CFAP74: variants seen among roughly 807,000 people sequenced by gnomAD.
The protein encoded by CFAP74 is cilia and flagella associated protein 74, also known as cilia- and flagella-associated protein 74.
Under a neutral mutation model 188.9 loss-of-function variants are expected in CFAP74, and 124 were observed. The observed-to-expected ratio is 0.66, with a 90% CI of 0.57 to 0.76. The LOEUF (loss-of-function observed/expected upper bound fraction) is 0.76. Among genes scored for constraint, CFAP74 ranks in the 30% least tolerant of loss-of-function variants. CFAP74 has a pLI of 0.00. For missense variants in CFAP74, 2,198 were observed against 2,165.2 expected (o/e 1.02, Z -0.30); for synonymous variants, 956 against 916.7 (o/e 1.04, Z -0.77).
intron 4 of CFAP74, among the ~76,000 whole-genome samples, chr1:1,987,762 A>C (rs1570983159): frequency 6.6e-6 from 1 of 151,254 alleles, no homozygotes; most frequent in Non-Finnish European, 1.5e-5. Context: ...GGCTGGTCTC[A>C]AACTCCTGAC....
chr1:1,936,773 G>A (rs997546456), intron 25 of CFAP74, among the ~76,000 whole-genome samples: 5 of 151,840 alleles, frequency 3.3e-5, no homozygotes, highest in South Asian at 2.1e-4. Flanking sequence ...GCATGGTGGC[G>A]TGTTCCTGTA....
chr1:1,981,488 G>A (rs148040358), intron 6 of CFAP74, among the ~76,000 whole-genome samples: 46 of 92,638 alleles, frequency 5.0e-4, no homozygotes, highest in East Asian at 7.1e-4. Context: ...ACACGCGGGG[G>A]CACGCAGGAC....
intron 33 of CFAP74, among the ~76,000 whole-genome samples, chr1:1,925,264 G>A (rs576712533): frequency 3.4e-5 from 5 of 147,112 alleles, no homozygotes; most frequent in South Asian, 2.2e-4. Context: ...AGGGCAGCGC[G>A]AAGGCACGAG....
At chr1:1,965,283 G>T (rs1655394292) in intron 12 of CFAP74, among the ~76,000 whole-genome samples, 1 of 152,208 alleles carries the variant, frequency 6.6e-6, no homozygotes, top group Admixed American at 6.5e-5. Context: ...CATTGACAAG[G>T]CAGGGACCCC....
chr1:1,968,272 T>C lies in CFAP74; in HGVS notation c.1245+363A>G, dbSNP rs919897544. 6.6e-6 allele frequency among the ~76,000 whole-genome samples: 1 copy of C among 152,136 alleles called. No individual in the cohort carries two copies. The highest frequency in any genetic ancestry group is 2.4e-5 in the African/African-American group (1 of 41,428). ...CCCAGGCATGTGGTCTGAACGGCTG[T>C]GCACATCTCCCTGGCAGGCGGCTGA... On this transcript the variant is annotated intron_variant, in intron 11 of 38. Transcript: ENST00000682832. The surrounding 1 kb of genome is among the most constrained non-coding windows in gnomAD (Gnocchi z 4.3).
At chr1:1,977,555 A>G (rs1206667390) in intron 6 of CFAP74, among the ~76,000 whole-genome samples, 1 of 152,136 alleles carries the variant, frequency 6.6e-6, no homozygotes, top group African/African-American at 2.4e-5. Flanking sequence ...GAAGGATCCC[A>G]GAGGAGAAGA....
chr1:2,000,689 A>T (rs78962231), intron 1 of CFAP74, among the ~76,000 whole-genome samples: 173 of 152,202 alleles, frequency 1.1e-3, no homozygotes, highest in African/African-American at 3.9e-3. Context: ...TTCATAGGAC[A>T]TTCTCTCTGT....
chr1:1,964,245 C>T (rs1463877944), intron 13 of CFAP74, among the ~76,000 whole-genome samples: 1 of 152,210 alleles, frequency 6.6e-6, no homozygotes, highest in Non-Finnish European at 1.5e-5. Flanking sequence ...CAGAGTTTGG[C>T]AGAGGCGTCC....
chr1:1,943,879 C>T (rs1653559356), intron 21 of CFAP74, among the ~76,000 whole-genome samples: 1 of 152,222 alleles, frequency 6.6e-6, no homozygotes, highest in African/African-American at 2.4e-5. Flanking sequence ...GGTTTCTCCT[C>T]TCCTTTCACA....
chr1:1,924,008 T>C, intron 34 of CFAP74, 79 bp from the exon 35 acceptor site: 1 of 1,467,206 alleles, frequency 6.8e-7, no homozygotes. Flanking sequence ...TGCATAGAGC[T>C]CTACACCCTG....
chr1:1,970,686 C>A lies in CFAP74; in HGVS notation c.1019G>T (p.Arg340Leu). Reference sequence around the variant, plus strand: ...CTTCTGGGCCTCCAGCTCCTGGCGCCGGCGCTGGTGGACAAGGTGCCTGAA... The same window carrying A: ...CTTCTGGGCCTCCAGCTCCTGGCGCAGGCGCTGGTGGACAAGGTGCCTGAA... ...DAFRHLVHQR[R>L]RQELEAQKRA... Residue 340 changes from arginine to leucine, a missense_variant, in exon 10 of 39, where the codon CGG becomes CTG. Physicochemically the swap from Arg to Leu is moderately radical, Grantham distance 102. Transcript: ENST00000682832. The A allele has an allele frequency of 6.2e-7, 1 of 1,612,178 alleles. No homozygotes were observed. The highest frequency in any genetic ancestry group is 8.5e-7 in the Non-Finnish European group (1 of 1,179,208).
At chr1:1,970,998 A>C (rs539397749) in intron 9 of CFAP74, among the ~76,000 whole-genome samples, 182 bp from the exon 10 acceptor site, 1 of 143,080 alleles carries the variant, frequency 7.0e-6, no homozygotes, top group Non-Finnish European at 1.5e-5. Context: ...GCACACACAC[A>C]CGCACACCTG....
chr1:1,960,768 G>A (rs78688820), intron 14 of CFAP74, among the ~76,000 whole-genome samples: 1,955 of 152,328 alleles, frequency 0.013, 37 homozygotes, highest in African/African-American at 0.045. Flanking sequence ...CTTTGGTGCC[G>A]ACTGCACAGA....
At chr1:1,924,242 A>T in intron 34 of CFAP74, 149 bp downstream of exon 34, 1 of 37,220 alleles carries the variant, frequency 2.7e-5, no homozygotes, top group Non-Finnish European at 4.0e-5. Context: ...CCTCCAGCTC[A>T]CCACCCGCCC....
intron 18 of CFAP74, chr1:1,955,103 C>A: frequency 7.8e-7 from 1 of 1,284,966 alleles, no homozygotes; most frequent in Non-Finnish European, 1.0e-6. Flanking sequence ...CTGTGGAGAA[C>A]CGGCCCAGCT....
At chr1:1,966,804 T>A (rs566154806) in intron 11 of CFAP74, among the ~76,000 whole-genome samples, 1 of 152,276 alleles carries the variant, frequency 6.6e-6, no homozygotes, top group Admixed American at 6.5e-5. Context: ...ACTGGCATCC[T>A]TGGCGCCGAT....
At chr1:1,928,119 T>G (rs28670388) in intron 27 of CFAP74, among the ~76,000 whole-genome samples, 3 of 148,102 alleles carry the variant, frequency 2.0e-5, no homozygotes, top group Non-Finnish European at 4.5e-5. Context: ...AGGCAAACCC[T>G]TGGGAGGAAG....
intron 10 of CFAP74, among the ~76,000 whole-genome samples, chr1:1,969,148 CTGCCA>C (rs1391764862): frequency 4.6e-5 from 7 of 151,496 alleles, no homozygotes; most frequent in Non-Finnish European, 7.4e-5. Context: ...CAGTCCATCC[CTGCCA>C]AGCCCAGTCC....
At chr1:1,930,705 G>A (rs1419455021) in intron 25 of CFAP74, among the ~76,000 whole-genome samples, 3 of 152,186 alleles carry the variant, frequency 2.0e-5, no homozygotes, top group Non-Finnish European at 4.4e-5. Flanking sequence ...ACAGATGAGT[G>A]CCACTGTGTC....
Sources: allele counts gnomAD v4.1 joint callset (sites outside exome capture counted in the v4.1 genomes callset), GRCh38; gene constraint gnomAD v4.1.1; non-coding constraint Gnocchi (gnomAD v3.1); transcripts MANE v1.5; gene names NCBI Gene and HGNC (gene_info 2026-07-23, HGNC 2026-07-21).